The following ZC3H12B variants were observed in gnomAD, a reference collection of about 807,000 sequenced individuals.
The protein encoded by ZC3H12B is probable ribonuclease ZC3H12B.
In ZC3H12B, 7 loss-of-function variants were observed where a neutral mutation model predicts 43.9. That is an observed-to-expected ratio of 0.16 (90% CI 0.09 to 0.30). The LOEUF is 0.30. Among genes scored for constraint, ZC3H12B ranks in the 10% least tolerant of loss-of-function variants. The pLI is 1.00. For missense variants in ZC3H12B, 475 were observed against 670.2 expected (o/e 0.71, Z 3.22); for synonymous variants, 222 against 241.7 (o/e 0.92, Z 0.76).
the ZC3H12B span, among the ~76,000 whole-genome samples, chrX:65,291,702 T>C: frequency 3.6e-5 from 4 of 112,246 alleles, no homozygotes; most frequent in Non-Finnish European, 7.5e-5. Flanking sequence ...GTGATGATAA[T>C]TAAATTCTAG....
intron 1 of ZC3H12B, among the ~76,000 whole-genome samples, chrX:65,492,140 T>TTTTGG (rs993337374): frequency 5.4e-5 from 6 of 110,374 alleles, no homozygotes; most frequent in East Asian, 5.7e-4. Context: ...TTTTGTTTTG[T>TTTTGG]TTTGGTTTGG....
At chrX:65,166,956 G>T in the ZC3H12B span, among the ~76,000 whole-genome samples, 2 of 111,815 alleles carry the variant, frequency 1.8e-5, no homozygotes, top group African/African-American at 6.5e-5. Flanking sequence ...TTTGTCAGAT[G>T]GGTAGATTGT....
At chrX:65,286,857 C>CA in the ZC3H12B span, among the ~76,000 whole-genome samples, 1 of 110,575 alleles carries the variant, frequency 9.0e-6, no homozygotes, top group South Asian at 3.8e-4. Context: ...TTATCCCACG[C>CA]AAATGGAAAC....
At chrX:65,369,775 C>T (rs1186345684) in intron 2 of ZC3H12B, among the ~76,000 whole-genome samples, 1 of 111,283 alleles carries the variant, frequency 9.0e-6, no homozygotes, top group African/African-American at 3.3e-5. Context: ...TAAGTGTATC[C>T]TTTGTAAGTG....
the ZC3H12B span, among the ~76,000 whole-genome samples, chrX:65,292,259 A>G: frequency 8.9e-6 from 1 of 112,145 alleles, no homozygotes; most frequent in Non-Finnish European, 1.9e-5. Context: ...ATTCTGGGCC[A>G]TAAAACAAAT....
chrX:65,223,994 T>C, the ZC3H12B span, among the ~76,000 whole-genome samples: 1 of 112,168 alleles, frequency 8.9e-6, no homozygotes, highest in Non-Finnish European at 1.9e-5. Context: ...AAAAAGATAT[T>C]TGCACATGCA....
chrX:65,131,394 T>C, the ZC3H12B span, among the ~76,000 whole-genome samples: 1,152 of 110,508 alleles, frequency 0.01, 4 homozygotes, highest in Non-Finnish European at 0.015. Flanking sequence ...AACAGTAAGG[T>C]TAAGTTGTTT....
chrX:65,355,860 C>G, the ZC3H12B span, among the ~76,000 whole-genome samples: 6 of 111,059 alleles, frequency 5.4e-5, no homozygotes, highest in Admixed American at 4.8e-4. Flanking sequence ...GAGACTGAGA[C>G]AGGAGAATCA....
chrX:65,119,032 C>T, the ZC3H12B span, among the ~76,000 whole-genome samples: 2 of 111,163 alleles, frequency 1.8e-5, no homozygotes, highest in Non-Finnish European at 3.8e-5. Flanking sequence ...GCCACATTTT[C>T]TTAATCCAAT....
At chrX:65,441,895 G>A (rs1351168641) in intron 3 of ZC3H12B, among the ~76,000 whole-genome samples, 1 of 110,190 alleles carries the variant, frequency 9.1e-6, no homozygotes, top group Non-Finnish European at 1.9e-5. Context: ...GCCCGGGACG[G>A]GCCCCTCATG....
chrX:65,239,088 G>A, the ZC3H12B span, among the ~76,000 whole-genome samples: 5 of 110,822 alleles, frequency 4.5e-5, no homozygotes, highest in African/African-American at 9.8e-5. Context: ...TTCTGTAGAT[G>A]GTTCTGCTTG....
chrX:65,456,237 C>G (rs995834156), intron 3 of ZC3H12B, among the ~76,000 whole-genome samples: 16 of 111,448 alleles, frequency 1.4e-4, no homozygotes, highest in African/African-American at 4.9e-4. Context: ...AAACCCATCT[C>G]ACGTGCAGAG....
chrX:65,125,580 G>A, the ZC3H12B span, among the ~76,000 whole-genome samples: 1 of 111,239 alleles, frequency 9.0e-6, no homozygotes, highest in Non-Finnish European at 1.9e-5. Context: ...GAATATTAAA[G>A]TCCCCCATTA....
chrX:65,041,669 A>G, the ZC3H12B span, among the ~76,000 whole-genome samples: 1 of 112,299 alleles, frequency 8.9e-6, no homozygotes, highest in Non-Finnish European at 1.9e-5. Context: ...TCAGAGTAAG[A>G]AAGTAAAGTG....
At chrX:65,212,668 A>G in the ZC3H12B span, among the ~76,000 whole-genome samples, 1 of 88,462 alleles carries the variant, frequency 1.1e-5, no homozygotes, top group Non-Finnish European at 2.1e-5. Context: ...ATATATAAAT[A>G]TATATGATTT....
chrX:65,272,498 G>C, the ZC3H12B span: 1 of 111,738 alleles, frequency 8.9e-6, no homozygotes, highest in Non-Finnish European at 1.9e-5. Context: ...TTTAGCCAAA[G>C]GGGTCAATTT....
the ZC3H12B span, among the ~76,000 whole-genome samples, chrX:65,215,632 A>G: frequency 1.8e-5 from 2 of 111,331 alleles, no homozygotes; most frequent in African/African-American, 3.3e-5. Context: ...ACTAACATCA[A>G]TAAGGCTGTT....
At chrX:65,100,580 A>C in the ZC3H12B span, among the ~76,000 whole-genome samples, 3 of 101,106 alleles carry the variant, frequency 3.0e-5, no homozygotes, top group Non-Finnish European at 6.0e-5. Context: ...AAAAAAAAAA[A>C]AAAAAAAAAA....
At chrX:65,317,536 C>T in the ZC3H12B span, among the ~76,000 whole-genome samples, 1 of 109,069 alleles carries the variant, frequency 9.2e-6, no homozygotes, top group African/African-American at 3.3e-5. Context: ...CCTTTCCCAC[C>T]CTTTCCTTAT....
Sources: gnomAD v4.1 joint callset for allele counts (sites outside exome capture counted in the v4.1 genomes callset) on GRCh38, gnomAD v4.1.1 for gene constraint, MANE v1.5 for transcripts, NCBI Gene and HGNC (gene_info 2026-07-23, HGNC 2026-07-21) for gene names.